The following ST6GALNAC3 variants were observed in gnomAD, a reference collection of about 807,000 sequenced individuals.
ST6GALNAC3 encodes the protein alpha-N-acetylgalactosaminide alpha-2,6-sialyltransferase 3.
ST6GALNAC3 carries 25 observed loss-of-function variants against 32.7 expected under a neutral mutation model. The observed-to-expected ratio is 0.76, with a 90% CI of 0.56 to 1.07. The LOEUF is 1.07. Ranked by LOEUF, ST6GALNAC3 falls within the 50% of genes least tolerant of loss-of-function variation. The pLI, the probability that ST6GALNAC3 is intolerant of heterozygous loss-of-function variation, is 0.00. For missense variants in ST6GALNAC3, 355 were observed against 382.4 expected, an observed-to-expected ratio of 0.93 and a Z score of 0.60; for synonymous variants, 129 against 133.1, an observed-to-expected ratio of 0.97 and a Z score of 0.21.
At chr1:76,148,675 G>A (rs886752900) in intron 1 of ST6GALNAC3, among the ~76,000 whole-genome samples, 4 of 152,206 alleles carry the variant, frequency 2.6e-5, no homozygotes, top group Non-Finnish European at 4.4e-5. Flanking sequence ...ACAGGAAAGT[G>A]TGTCATCTCT....
At chr1:76,425,478 A>T (rs962194990) in intron 3 of ST6GALNAC3, among the ~76,000 whole-genome samples, 1 of 151,962 alleles carries the variant, frequency 6.6e-6, no homozygotes, top group Admixed American at 6.6e-5. Context: ...TTTTACAAAC[A>T]TTCCTTGAGC....
At position 76,111,323 on chromosome 1, in the gene ST6GALNAC3, G is replaced by A. The variant is rs1044431576; in HGVS notation, c.18+36439G>A. 1.1e-4 allele frequency among the ~76,000 whole-genome samples: 17 copies of A among 151,984 alleles called. 1 individual carries two copies. The highest frequency in any genetic ancestry group is 4.1e-4 in the African/African-American group (17 of 41,318). On this transcript the variant is annotated intron_variant, in intron 1 of 4. Coordinates refer to ENST00000328299, the MANE Select transcript of ST6GALNAC3 (RefSeq NM_152996.4). The stretch of plus-strand genomic sequence containing the variant: ...TAGCCCCACCCAGAAAACTGTAGAC[G>A]TCTTAGTGAGAGGTTTGCATCTCCA...
At chr1:76,206,646 T>A (rs1275483662) in intron 1 of ST6GALNAC3, among the ~76,000 whole-genome samples, 1 of 151,850 alleles carries the variant, frequency 6.6e-6, no homozygotes, top group East Asian at 1.9e-4. Flanking sequence ...GAGAATCGCT[T>A]CAGGAGAACC....
chr1:76,582,095 T>C (rs1277114764), intron 3 of ST6GALNAC3, among the ~76,000 whole-genome samples: 2 of 152,162 alleles, frequency 1.3e-5, no homozygotes, highest in African/African-American at 4.8e-5. Context: ...ATAAACCAGT[T>C]TGACTAGACC....
chr1:76,154,374 C>G (rs754579206), intron 1 of ST6GALNAC3, among the ~76,000 whole-genome samples: 4 of 152,090 alleles, frequency 2.6e-5, no homozygotes, highest in Non-Finnish European at 4.4e-5. Context: ...GTGAAGTCCC[C>G]GAAGAGCACT....
chr1:76,281,789 T>C (rs1659511278), intron 1 of ST6GALNAC3, among the ~76,000 whole-genome samples: 1 of 152,194 alleles, frequency 6.6e-6, no homozygotes, highest in African/African-American at 2.4e-5. Flanking sequence ...CAAGGCAAAG[T>C]GAATTCATGT....
intron 1 of ST6GALNAC3, among the ~76,000 whole-genome samples, chr1:76,077,352 T>TA (rs1432240056): frequency 5.3e-5 from 8 of 152,194 alleles, no homozygotes; most frequent in African/African-American, 1.9e-4. Flanking sequence ...TCTGCCCTCT[T>TA]AGTTTCTGTG....
intron 3 of ST6GALNAC3, among the ~76,000 whole-genome samples, chr1:76,620,154 G>A (rs1435403926): frequency 6.6e-6 from 1 of 152,060 alleles, no homozygotes; most frequent in East Asian, 1.9e-4. Context: ...TTTCTTGAGT[G>A]GATGAGAGTA....
At chr1:76,420,990 T>A (rs1198126657) in intron 3 of ST6GALNAC3, among the ~76,000 whole-genome samples, 1 of 152,052 alleles carries the variant, frequency 6.6e-6, no homozygotes, top group Non-Finnish European at 1.5e-5. Flanking sequence ...AAGTGGTCCA[T>A]AAACTATTTG....
intron 3 of ST6GALNAC3, among the ~76,000 whole-genome samples, chr1:76,565,185 T>C (rs1482491598): frequency 1.3e-5 from 2 of 152,138 alleles, no homozygotes; most frequent in Non-Finnish European, 2.9e-5. Context: ...CTGCCTATGC[T>C]GACAACAACT....
chr1:76,173,637 A>G (rs1007449053), intron 1 of ST6GALNAC3, among the ~76,000 whole-genome samples: 1 of 152,212 alleles, frequency 6.6e-6, no homozygotes, highest in African/African-American at 2.4e-5. Context: ...ACATATTTAC[A>G]AGAAAGAAAC....
At chr1:76,533,842 T>C (rs1663421677) in intron 3 of ST6GALNAC3, among the ~76,000 whole-genome samples, 3 of 152,176 alleles carry the variant, frequency 2.0e-5, no homozygotes. Flanking sequence ...CTTCAGTAAG[T>C]CTATTGATAT....
intron 3 of ST6GALNAC3, among the ~76,000 whole-genome samples, chr1:76,493,096 C>A (rs188329637): frequency 6.6e-6 from 1 of 151,880 alleles, no homozygotes; most frequent in Non-Finnish European, 1.5e-5. Context: ...TTACTTCCCA[C>A]CACATTCAAT....
chr1:76,101,977 A>G (rs1248644032), intron 1 of ST6GALNAC3, among the ~76,000 whole-genome samples: 1 of 151,914 alleles, frequency 6.6e-6, no homozygotes, highest in Non-Finnish European at 1.5e-5. Flanking sequence ...GCAATGTTCT[A>G]TATGTTTATT....
At chr1:76,599,179 G>A (rs1647181532) in intron 3 of ST6GALNAC3, among the ~76,000 whole-genome samples, 1 of 150,762 alleles carries the variant, frequency 6.6e-6, no homozygotes, top group Non-Finnish European at 1.5e-5. Flanking sequence ...ATTCTCTCTT[G>A]TAATTTTCTT....
At chr1:76,530,572 T>C (rs541916575) in intron 3 of ST6GALNAC3, among the ~76,000 whole-genome samples, 32 of 152,254 alleles carry the variant, frequency 2.1e-4, no homozygotes, top group African/African-American at 7.2e-4. Context: ...ATCCTAGCAA[T>C]TGAGACCTTG....
intron 2 of ST6GALNAC3, among the ~76,000 whole-genome samples, chr1:76,316,976 C>A (rs1646877351): frequency 6.6e-6 from 1 of 152,084 alleles, no homozygotes; most frequent in African/African-American, 2.4e-5. Flanking sequence ...TCTATAAAGA[C>A]TAACAGACAC....
intron 1 of ST6GALNAC3, among the ~76,000 whole-genome samples, chr1:76,133,177 T>G (rs1416496984): frequency 6.6e-6 from 1 of 152,180 alleles, no homozygotes; most frequent in Admixed American, 6.5e-5. Flanking sequence ...CCAGGTAGCT[T>G]GGGACTCTCC....
chr1:76,590,036 G>T (rs1025283799), intron 3 of ST6GALNAC3, among the ~76,000 whole-genome samples: 1 of 152,094 alleles, frequency 6.6e-6, no homozygotes, highest in South Asian at 2.1e-4. Flanking sequence ...TTCTGGCCAG[G>T]TTCAATGGCA....
Sources: gnomAD v4.1 joint callset for allele counts (sites outside exome capture counted in the v4.1 genomes callset) on GRCh38, gnomAD v4.1.1 for gene constraint, MANE v1.5 for transcripts, NCBI Gene and HGNC (gene_info 2026-07-23, HGNC 2026-07-21) for gene names.